ARSG: variants seen among roughly 807,000 people sequenced by gnomAD.
ARSG encodes ASG.
In ARSG, 37 loss-of-function variants were observed where a neutral mutation model predicts 50.5. The ratio of observed to expected loss-of-function variants is 0.73; its 90% CI spans 0.56 to 0.96. The LOEUF is 0.96. Ranked by LOEUF, ARSG falls within the 50% of genes least tolerant of loss-of-function variation. The pLI is 0.00. For synonymous variants in ARSG, 225 were observed against 254.6 expected, an observed-to-expected ratio of 0.88 and a Z score of 1.11; for missense variants, 629 against 675.3, an observed-to-expected ratio of 0.93 and a Z score of 0.76.
chr17:68,372,561 G>T (rs189355338), intron 8 of ARSG, among the ~76,000 whole-genome samples: 3 of 152,128 alleles, frequency 2.0e-5, no homozygotes, highest in African/African-American at 7.2e-5. Flanking sequence ...AACAGCCAAG[G>T]CTAATGAGAA....
intron 8 of ARSG, among the ~76,000 whole-genome samples, chr17:68,371,103 G>A (rs2079817759): frequency 6.6e-6 from 1 of 152,062 alleles, no homozygotes; most frequent in Admixed American, 6.6e-5. Flanking sequence ...GGCGGATCAC[G>A]AGGTCAGGAG....
At chr17:68,288,821 A>C (rs1446887684), upstream of ARSG, among the ~76,000 whole-genome samples, 1 of 152,214 alleles carries the variant, frequency 6.6e-6, no homozygotes, top group Non-Finnish European at 1.5e-5. Flanking sequence ...CTGCACAGTT[A>C]TGGAAACCAC....
chr17:68,362,438 G>T (rs1379144229), intron 6 of ARSG, among the ~76,000 whole-genome samples: 1 of 152,036 alleles, frequency 6.6e-6, no homozygotes, highest in Non-Finnish European at 1.5e-5. Context: ...TATGTTCTCT[G>T]CCTTGTGTGG....
At chr17:68,346,476 G>T (rs538954872) in intron 3 of ARSG, among the ~76,000 whole-genome samples, 1 of 152,306 alleles carries the variant, frequency 6.6e-6, no homozygotes, top group African/African-American at 2.4e-5. Flanking sequence ...CACCATGGGG[G>T]TGGCGTCCCT....
intron 2 of ARSG, among the ~76,000 whole-genome samples, chr17:68,308,815 A>G (rs545814574): frequency 6.6e-6 from 1 of 152,282 alleles, no homozygotes; most frequent in South Asian, 2.1e-4. Context: ...AGGTTCTCCA[A>G]GGCCCCACCA....
intron 1 of ARSG, among the ~76,000 whole-genome samples, chr17:68,302,795 T>G (rs1261363906): frequency 6.6e-6 from 1 of 152,180 alleles, no homozygotes; most frequent in Non-Finnish European, 1.5e-5. Context: ...TTGTTTATGC[T>G]TGTGCTCAAC....
the ARSG span, among the ~76,000 whole-genome samples, chr17:68,451,619 G>T: frequency 6.6e-6 from 1 of 152,154 alleles, no homozygotes; most frequent in East Asian, 1.9e-4. Flanking sequence ...GATTTCAAAG[G>T]CGTGACTTCT....
the ARSG span, among the ~76,000 whole-genome samples, chr17:68,444,863 C>G: frequency 6.6e-6 from 1 of 150,678 alleles, no homozygotes; most frequent in Non-Finnish European, 1.5e-5. Flanking sequence ...CCCTCCATTC[C>G]TCCCTCCCTC....
rs770292731 is a variant in ARSG at position 68,417,733 on chromosome 17, A to ATTTTTTTTTTTTTTTTTT, written c.1304-2441_1304-2424dup. ...CAAAAGACCTAATAAGAGTTGCTGA[A>ATTTTTTTTTTTTTTTTTT]TTTTTTTTTTTTTTTTTTTTTTTTT... On this transcript the variant is annotated intron_variant, in intron 11 of 11. Transcript: ENST00000621439. Among the ~76,000 whole-genome samples, 7 of 60,832 alleles carry ATTTTTTTTTTTTTTTTTT rather than the reference A, an allele frequency of 1.2e-4. 3 individuals are homozygous for ATTTTTTTTTTTTTTTTTT. Among genetic ancestry groups the ATTTTTTTTTTTTTTTTTT allele is most frequent in the Non-Finnish European group, 1.4e-4 (5 of 34,584 alleles). The allele number at this position is 60,832 out of a possible 152,430, so 39.9% of individuals were successfully genotyped here. A position where few individuals can be genotyped will look rare whatever the true frequency, so the allele number is the denominator to read the frequency against.
chr17:68,424,286 G>A (rs1221691593), downstream of ARSG, among the ~76,000 whole-genome samples: 2 of 152,120 alleles, frequency 1.3e-5, no homozygotes, highest in East Asian at 3.8e-4. Context: ...AAAAGCTCAC[G>A]CTGCGACCGA....
At chr17:68,306,008 CTT>C (rs111502540) in intron 1 of ARSG, among the ~76,000 whole-genome samples, 1 of 146,440 alleles carries the variant, frequency 6.8e-6, no homozygotes. Context: ...TCTTTTTCTT[CTT>C]TTTTTTTTTG....
At chr17:68,262,298 C>T (rs111379379) in intron 1 of ARSG, among the ~76,000 whole-genome samples, 4 of 151,850 alleles carry the variant, frequency 2.6e-5, no homozygotes, top group South Asian at 2.1e-4. Flanking sequence ...GGTGAAACTC[C>T]GTGTCTACTA....
chr17:68,345,694 G>A (rs987227921), intron 3 of ARSG, among the ~76,000 whole-genome samples: 5 of 152,234 alleles, frequency 3.3e-5, no homozygotes, highest in African/African-American at 4.8e-5. Context: ...TTGCCTAGCT[G>A]TGCGAATACC....
At chr17:68,365,343 C>T (rs900813561) in intron 6 of ARSG, among the ~76,000 whole-genome samples, 11 of 152,100 alleles carry the variant, frequency 7.2e-5, no homozygotes, top group African/African-American at 2.7e-4. Context: ...AATAAGCTAC[C>T]ATTTATTAGA....
the ARSG span, among the ~76,000 whole-genome samples, chr17:68,446,314 G>A: frequency 6.6e-6 from 1 of 152,058 alleles, no homozygotes; most frequent in Non-Finnish European, 1.5e-5. Context: ...TCGGGTGGCA[G>A]GGACTACAGG....
At chr17:68,436,641 G>C in the ARSG span, among the ~76,000 whole-genome samples, 27 of 152,172 alleles carry the variant, frequency 1.8e-4, no homozygotes, top group African/African-American at 6.3e-4. Context: ...TCTGATTAAG[G>C]CTTCCAATAA....
chr17:68,266,347 C>T (rs1286222047), intron 1 of ARSG, among the ~76,000 whole-genome samples: 2 of 141,632 alleles, frequency 1.4e-5, no homozygotes, highest in Admixed American at 7.3e-5. Flanking sequence ...AAAATAAAAT[C>T]GTCCTGTTTT....
intron 2 of ARSG, among the ~76,000 whole-genome samples, chr17:68,335,181 G>C (rs1242968176): frequency 6.6e-6 from 1 of 151,982 alleles, no homozygotes; most frequent in African/African-American, 2.4e-5. Flanking sequence ...ATATTTTGTA[G>C]AGACGGGAGT....
In ARSG at chr17:68,307,666, C is replaced by G; in HGVS notation, c.173C>G (p.Thr58Arg). 6.2e-7 allele frequency: 1 copy of G among 1,609,006 alleles called. No homozygotes were observed. The highest frequency in any genetic ancestry group is 8.5e-7 in the Non-Finnish European group (1 of 1,175,396). ...GACCTGGGAGCAAACTGGGCAGAAA[C>G]AAAGGACACTGCCAACCTTGATAAG... ...WGDLGANWAE[T>R]KDTANLDKMA... Residue 58 changes from threonine (T) to arginine (R), a missense_variant, in exon 2 of 12, where the codon ACA becomes AGA. Transcript: ENST00000621439.
Sources: allele counts gnomAD v4.1 joint callset (sites outside exome capture counted in the v4.1 genomes callset), GRCh38; gene constraint gnomAD v4.1.1; transcripts MANE v1.5; gene names NCBI Gene and HGNC (gene_info 2026-07-23, HGNC 2026-07-21).